MYO9B: variants seen among roughly 807,000 people sequenced by gnomAD.
MYO9B encodes the protein myosin IXB.
MYO9B carries 71 observed loss-of-function variants against 229.5 expected under a neutral mutation model. That is an observed-to-expected ratio of 0.31 (90% CI 0.26 to 0.38). The LOEUF (loss-of-function observed/expected upper bound fraction) is 0.38. MYO9B is among the 10% of genes least tolerant of loss of function. The pLI, the probability that MYO9B is intolerant of heterozygous loss-of-function variation, is 1.00. For missense variants in MYO9B, 2,255 were observed against 2,920.5 expected (o/e 0.77, Z 5.25); for synonymous variants, 1,185 against 1,235.8 (o/e 0.96, Z 0.86).
chr19:17,193,036 G>A lies in MYO9B; in HGVS notation c.3102G>A (p.Leu1034=). ...AGAGCATCATCCGCCTGCAGAGCCT[G>A]TGTCGGGGGCACCTGCAGCGCAAGA... The part of the protein sequence containing the change: ...QKQSIIRLQS[L]CRGHLQRKSF... The change falls in exon 21 of 40, where the codon CTG becomes CTA. Residue 1034 remains leucine (L), a synonymous_variant. Transcript: ENST00000682292. This position sits in a 1 kb window ranked among gnomAD's most constrained non-coding sequence, Gnocchi z 4.3. 1 of 1,473,138 alleles carries A rather than the reference G, an allele frequency of 6.8e-7. No homozygotes were observed. Among genetic ancestry groups the A allele is most frequent in the Non-Finnish European group, 9.0e-7 (1 of 1,109,798 alleles). The allele number at this position is 1,473,138 out of a possible 1,614,324, so 91.3% of individuals were successfully genotyped here.
intron 6 of MYO9B, among the ~76,000 whole-genome samples, chr19:17,156,620 G>A (rs531854471): frequency 6.6e-6 from 1 of 152,218 alleles, no homozygotes; most frequent in East Asian, 1.9e-4. Context: ...AGGAGGCTGA[G>A]GCTGTAGAAT....
chr19:17,207,206 C>T lies in MYO9B; in HGVS notation c.5586C>T (p.Asp1862=), dbSNP rs1264933465. 6.2e-7 allele frequency: 1 copy of T among 1,601,614 alleles called. No homozygotes were observed. Among genetic ancestry groups the T allele is most frequent in the Middle Eastern group, 1.7e-4 (1 of 6,048 alleles). ...PCLLRCPDNS[D]PLTSMKDVLK... is the part of the protein sequence containing the mutation. ...TCCTGCGCTGCCCTGACAACTCGGA[C>T]CCGCTGACCAGCATGAAGGACGTCC... The change falls in exon 35 of 40, where the codon GAC becomes GAT. Residue 1862 remains aspartate, a synonymous_variant. Transcript: ENST00000682292.
rs1367585985 is a variant in MYO9B at position 17,195,277 on chromosome 19, G to A, written c.3850G>A (p.Val1284Ile). 6.2e-7 allele frequency: 1 copy of A among 1,612,356 alleles called. No individual in the cohort carries two copies. The highest frequency in any genetic ancestry group is 1.3e-5 in the African/African-American group (1 of 74,868). ...DKSKPCGSPR[V>I]QEKPDSPGGS... ...GAGCAAACCATGTGGCAGCCCAAGG[G>A]TTCAGGAAAAGCCCGACAGCCCCGG... The change falls in exon 22 of 40, where the codon GTT (valine) becomes ATT (isoleucine). Residue 1284 changes from valine (V) to isoleucine (I), a missense_variant. Transcript: ENST00000682292. The surrounding 1 kb of genome is among the most constrained non-coding windows in gnomAD (Gnocchi z 4.5).
At chr19:17,114,674 T>G (rs2057883399) in intron 2 of MYO9B, among the ~76,000 whole-genome samples, 1 of 152,124 alleles carries the variant, frequency 6.6e-6, no homozygotes, top group South Asian at 2.1e-4. Flanking sequence ...TTTGCCGGTT[T>G]TCTGATCCAG....
At chr19:17,087,043 T>C (rs1392541700) in intron 1 of MYO9B, among the ~76,000 whole-genome samples, 1 of 152,192 alleles carries the variant, frequency 6.6e-6, no homozygotes, top group East Asian at 1.9e-4. Context: ...GAGTGTGTTA[T>C]CCGTCTCCTT....
Position 17,195,495 on chromosome 19 carries a change from G to A in MYO9B, c.4046+22G>A. The A allele has an allele frequency of 3.2e-6, 5 of 1,569,328 alleles. No individual in the cohort carries two copies. The highest frequency in any genetic ancestry group is 4.3e-6 in the Non-Finnish European group (5 of 1,165,230). On this transcript the variant is annotated intron_variant, in intron 22 of 39. Transcript: ENST00000682292. This position sits in a 1 kb window ranked among gnomAD's most constrained non-coding sequence, Gnocchi z 4.5. Reference sequence around the variant, plus strand: ...CAGAGTAAGCCCCACACCCTCTTTTGTCTGAGCACCAGGGTCCAGGCCAGG... The same window carrying A: ...CAGAGTAAGCCCCACACCCTCTTTTATCTGAGCACCAGGGTCCAGGCCAGG...
intron 18 of MYO9B, among the ~76,000 whole-genome samples, chr19:17,187,361 G>A (rs533755465): frequency 4.6e-5 from 7 of 152,006 alleles, no homozygotes; most frequent in South Asian, 4.2e-4. Context: ...CCTCTCCACC[G>A]AATCCCCAGC....
intron 8 of MYO9B, 23 bp downstream of exon 8, chr19:17,159,507 C>G: frequency 1.3e-6 from 2 of 1,587,332 alleles, no homozygotes; most frequent in Non-Finnish European, 1.7e-6. Context: ...CAGGCACTCA[C>G]AGGGTGCCAG....
intron 17 of MYO9B, among the ~76,000 whole-genome samples, chr19:17,185,558 AAC>A (rs2072909599): frequency 6.9e-6 from 1 of 145,546 alleles, no homozygotes. Flanking sequence ...AAAAAAAAAA[AAC>A]AAAACAAAAC....
chr19:17,157,577 CA>C (rs199898224), intron 7 of MYO9B: 17 of 157,858 alleles, frequency 1.1e-4, no homozygotes, highest in South Asian at 3.4e-4. Context: ...ACAAAACAAA[CA>C]AAAAAAAACT....
chr19:17,075,824 T>G lies in MYO9B; in HGVS notation c.-109T>G, dbSNP rs1163766965. 6.7e-6 allele frequency: 1 copy of G among 150,340 alleles called. No individual in the cohort carries two copies. The highest frequency in any genetic ancestry group is 1.5e-5 in the Non-Finnish European group (1 of 67,192). The allele number at this position is 150,340 out of a possible 1,614,324, so 9.3% of individuals were successfully genotyped here. On this transcript the variant is annotated 5_prime_UTR_variant, in exon 1 of 40. Coordinates refer to ENST00000682292, the MANE Select transcript of MYO9B (RefSeq NM_004145.4). The stretch of plus-strand genomic sequence containing the variant: ...GCAGCGGCGGGCTGGCAGGCGGTCG[T>G]CCGGCCGGGGACCCGGCCCGGGACC...
intron 2 of MYO9B, among the ~76,000 whole-genome samples, chr19:17,122,158 C>G (rs1204175122): frequency 6.6e-6 from 1 of 152,194 alleles, no homozygotes; most frequent in Non-Finnish European, 1.5e-5. Context: ...CTGGCTCCTC[C>G]CATGATGCAA....
intron 1 of MYO9B, among the ~76,000 whole-genome samples, chr19:17,082,701 A>G (rs2057544295): frequency 6.6e-6 from 1 of 152,058 alleles, no homozygotes; most frequent in African/African-American, 2.4e-5. Flanking sequence ...GATGCTGTTT[A>G]TTGGGTAGGC....
chr19:17,195,460 C>T lies in MYO9B; in HGVS notation c.4033C>T (p.Leu1345Phe). The change falls in exon 22 of 40, where the codon CTC becomes TTC. Residue 1345 changes from leucine (L) to phenylalanine (F), a missense_variant. Around this residue, in one of 7 missense-constraint regions of MYO9B, gnomAD observed 679 missense variants for 770.2 expected, o/e 0.88. Transcript: ENST00000682292. The surrounding 1 kb of genome is among the most constrained non-coding windows in gnomAD (Gnocchi z 4.5). ...CAGACACCGGGCCACAGGGGCCGCC[C>T]TCACGCCCACAGAGTAAGCCCCACA... ...SDRHRATGAA[L>F]TPTEERRTSF... 6.3e-7 allele frequency: 1 copy of T among 1,597,538 alleles called. No individual in the cohort carries two copies. The highest frequency in any genetic ancestry group is 8.5e-7 in the Non-Finnish European group (1 of 1,176,704).
intron 30 of MYO9B, 23 bp downstream of exon 30, chr19:17,203,281 C>T: frequency 6.6e-7 from 1 of 1,519,504 alleles, no homozygotes; most frequent in African/African-American, 1.4e-5. Flanking sequence ...CCCACCAGGC[C>T]CCAAAACCCT....
Position 17,206,489 on chromosome 19 carries a change from C to T in MYO9B, c.5386+113C>T, listed in dbSNP as rs991957093. The T allele has an allele frequency of 2.0e-6, 3 of 1,469,332 alleles. No homozygotes were observed. In the African/African-American group the frequency reaches 4.2e-5, roughly 21 times the overall value. The allele number at this position is 1,469,332 out of a possible 1,614,324, so 91.0% of individuals were successfully genotyped here. A position where few individuals can be genotyped will look rare whatever the true frequency, so the allele number is the denominator to read the frequency against. On this transcript the variant is annotated intron_variant, in intron 33 of 39. Transcript: ENST00000682292. ...CAGTTCACAAACTGAGAAACTGAGG[C>T]CCAAAGCAGTCGGCCCAGCCAAACC...
chr19:17,186,379 G>C (rs1344042410), intron 18 of MYO9B, among the ~76,000 whole-genome samples: 1 of 152,060 alleles, frequency 6.6e-6, no homozygotes, highest in Non-Finnish European at 1.5e-5. Context: ...GAGACCCTTG[G>C]AGCCCCCGTG....
At chr19:17,078,213 A>G (rs955656942) in intron 1 of MYO9B, among the ~76,000 whole-genome samples, 2 of 152,144 alleles carry the variant, frequency 1.3e-5, no homozygotes, top group African/African-American at 4.8e-5. Context: ...GGACACGCTA[A>G]TGCCCGCCCC....
chr19:17,109,314 C>G (rs2057825208), intron 2 of MYO9B, among the ~76,000 whole-genome samples: 1 of 152,010 alleles, frequency 6.6e-6, no homozygotes, highest in South Asian at 2.1e-4. Flanking sequence ...GTCCGCCCAC[C>G]TCAGCCTCCC....
Sources: allele counts gnomAD v4.1 joint callset (sites outside exome capture counted in the v4.1 genomes callset), GRCh38; gene constraint gnomAD v4.1.1; regional missense constraint gnomAD v4.1.1; non-coding constraint Gnocchi (gnomAD v3.1); transcripts MANE v1.5; gene names NCBI Gene and HGNC (gene_info 2026-07-23, HGNC 2026-07-21).